STIM1: variants seen among roughly 807,000 people sequenced by gnomAD.
STIM1 encodes the protein stromal interaction molecule 1.
In STIM1, 25 loss-of-function variants were observed where a neutral mutation model predicts 74.7. That is an observed-to-expected ratio of 0.33 (90% CI 0.24 to 0.47). STIM1 has a LOEUF of 0.47. STIM1 is among the 20% of genes least tolerant of loss of function. The pLI is 1.00. For missense variants in STIM1, 728 were observed against 920.8 expected, an observed-to-expected ratio of 0.79 and a Z score of 2.71; for synonymous variants, 328 against 348.8, an observed-to-expected ratio of 0.94 and a Z score of 0.66.
intron 1 of STIM1, among the ~76,000 whole-genome samples, chr11:3,880,677 A>T (rs970790385): frequency 3.3e-5 from 5 of 152,132 alleles, no homozygotes; most frequent in African/African-American, 1.2e-4. Flanking sequence ...AAAGAAAAAT[A>T]AATCATATTC....
In STIM1 at chr11:3,947,000, T is replaced by TG. The variant is rs375929344; in HGVS notation, c.140-20545dup. On this transcript the variant is annotated intron_variant, in intron 1 of 12. Coordinates refer to ENST00000526596, the MANE Select transcript of STIM1 (RefSeq NM_001382567.1). ...GAGTTTGGACAAATCACTTCTCTTTTGGGGGGGTCTTAGTTTCCTCATCTG... is the reference window on the plus strand; with the variant it reads ...GAGTTTGGACAAATCACTTCTCTTTTGGGGGGGGTCTTAGTTTCCTCATCTG... Among the ~76,000 whole-genome samples the TG allele has an allele frequency of 1.3e-3, 196 of 152,260 alleles. 1 individual carries two copies. The highest frequency in any genetic ancestry group is 4.4e-3 in the African/African-American group (183 of 41,554).
At position 4,083,294 on chromosome 11, in the gene STIM1, C is replaced by T. The variant is rs200892145; in HGVS notation, c.1270C>T (p.Arg424Trp). The change falls in exon 10 of 13, where the codon CGG (arginine) becomes TGG (tryptophan). Residue 424 changes from arginine (R) to tryptophan (W), a missense_variant. By Grantham distance (101) the Arg-to-Trp change is moderately radical (BLOSUM62 -3). Coordinates refer to ENST00000526596, the MANE Select transcript of STIM1 (RefSeq NM_001382567.1). ...QALSEVTAALRERLHRWQQIE... is the reference protein window; with the variant it reads ...QALSEVTAALWERLHRWQQIE... ...ACTGAGCGAGGTGACAGCAGCATTGCGGGAGCGCCTGCACCGCTGGCAACA... is the reference window on the plus strand; with the variant it reads ...ACTGAGCGAGGTGACAGCAGCATTGTGGGAGCGCCTGCACCGCTGGCAACA... The T allele has an allele frequency of 5.0e-6, 8 of 1,614,088 alleles. No individual in the cohort carries two copies. The highest frequency in any genetic ancestry group is 2.2e-5 in the East Asian group (1 of 44,898).
intron 1 of STIM1, among the ~76,000 whole-genome samples, chr11:3,870,718 G>A (rs963161087): frequency 1.1e-4 from 17 of 151,886 alleles, no homozygotes; most frequent in African/African-American, 3.6e-4. Flanking sequence ...GGCTGGTCTG[G>A]AACTCCTGAG....
intron 11 of STIM1, 86 bp downstream of exon 11, chr11:4,084,851 C>A: frequency 9.3e-7 from 1 of 1,073,526 alleles, no homozygotes; most frequent in Non-Finnish European, 1.3e-6. Flanking sequence ...CTTCTCCTGC[C>A]TGCTTCACGC....
chr11:3,899,976 C>A (rs981493739), intron 1 of STIM1, among the ~76,000 whole-genome samples: 14 of 152,118 alleles, frequency 9.2e-5, no homozygotes, highest in Admixed American at 8.5e-4. Flanking sequence ...GTCTAAAATT[C>A]TCTTTTTTGG....
chr11:3,926,931 C>T (rs971263408), intron 1 of STIM1, among the ~76,000 whole-genome samples: 3 of 152,272 alleles, frequency 2.0e-5, no homozygotes, highest in Non-Finnish European at 4.4e-5. Flanking sequence ...ATTCTGGGCT[C>T]CTCCTATTAT....
At chr11:4,039,025 G>T (rs2094126417) in intron 3 of STIM1, among the ~76,000 whole-genome samples, 1 of 152,286 alleles carries the variant, frequency 6.6e-6, no homozygotes, top group African/African-American at 2.4e-5. Flanking sequence ...CTTTCCTATT[G>T]GTCGGATAAC....
At chr11:4,082,838 C>G in intron 8 of STIM1, 44 bp from the exon 9 acceptor site, 2 of 1,555,538 alleles carry the variant, frequency 1.3e-6, no homozygotes, top group Non-Finnish European at 1.8e-6. Flanking sequence ...TTATTCCATT[C>G]TCGAATCCCT....
intron 1 of STIM1, among the ~76,000 whole-genome samples, chr11:3,943,062 G>T (rs2093030064): frequency 6.6e-6 from 1 of 152,202 alleles, no homozygotes. Flanking sequence ...CAACTCTTCT[G>T]CTAGGAGCCT....
Position 3,956,996 on chromosome 11 carries a change from C to G in STIM1, c.140-10556C>G, listed in dbSNP as rs2093223528. The stretch of plus-strand genomic sequence containing the variant: ...TGCAGTGAGCAAAAAAGCGACTGCT[C>G]TCGTGGACCTTACTTTTAGTGGAGG... On this transcript the variant is annotated intron_variant, in intron 1 of 12. Coordinates refer to ENST00000526596, the MANE Select transcript of STIM1 (RefSeq NM_001382567.1). Among the ~76,000 whole-genome samples the G allele has an allele frequency of 2.0e-5, 3 of 152,198 alleles. No individual in the cohort carries two copies. The South Asian group carries it at 6.2e-4, about 32-fold the overall frequency.
chr11:4,027,266 C>T (rs2094005037), intron 3 of STIM1, among the ~76,000 whole-genome samples: 1 of 152,120 alleles, frequency 6.6e-6, no homozygotes, highest in East Asian at 1.9e-4. Context: ...AGGGCCACTC[C>T]AGGAAATCCA....
At chr11:3,962,379 G>A (rs2093295769) in intron 1 of STIM1, among the ~76,000 whole-genome samples, 1 of 151,844 alleles carries the variant, frequency 6.6e-6, no homozygotes. Context: ...TCAGATAGCG[G>A]CCTCCAGTTC....
chr11:3,884,330 T>C (rs1247455057), intron 1 of STIM1, among the ~76,000 whole-genome samples: 1 of 152,218 alleles, frequency 6.6e-6, no homozygotes, highest in African/African-American at 2.4e-5. Context: ...AAGTGCTTTG[T>C]TGTATGGTGA....
chr11:4,007,544 T>C (rs2093794539), intron 2 of STIM1, among the ~76,000 whole-genome samples: 1 of 152,160 alleles, frequency 6.6e-6, no homozygotes, highest in South Asian at 2.1e-4. Context: ...GTTGAGGGTA[T>C]ATGGTTTGGC....
chr11:3,887,105 T>A (rs552199606), intron 1 of STIM1, among the ~76,000 whole-genome samples: 70 of 151,728 alleles, frequency 4.6e-4, no homozygotes, highest in Non-Finnish European at 9.3e-4. Flanking sequence ...CAGGGACTAG[T>A]ATTGTACACA....
Position 3,895,827 on chromosome 11 carries a change from TTCTTTCTTTCTTTC to T in STIM1, c.139+39436_139+39449del, listed in dbSNP as rs1212666058. Among the ~76,000 whole-genome samples the T allele has an allele frequency of 4.9e-4, 58 of 119,118 alleles. 3 individuals are homozygous for T. Among genetic ancestry groups the T allele is most frequent in the African/African-American group, 2.2e-3 (54 of 24,824 alleles). The allele number at this position is 119,118 out of a possible 152,430, so 78.1% of individuals were successfully genotyped here. Reference sequence around the variant, plus strand: ...TCCTTTCTTTCCTTCCTTCTTTCTTTTCTTTCTTTCTTTCTCTTTCTTTCTTTCTCTCTCTCTCT... The same window carrying T: ...TCCTTTCTTTCCTTCCTTCTTTCTTTTCTTTCTTTCTTTCTCTCTCTCTCT... On this transcript the variant is annotated intron_variant, in intron 1 of 12. Coordinates refer to ENST00000526596, the MANE Select transcript of STIM1 (RefSeq NM_001382567.1).
intron 2 of STIM1, among the ~76,000 whole-genome samples, chr11:3,975,645 G>A (rs1033246101): frequency 6.6e-6 from 1 of 151,600 alleles, no homozygotes; most frequent in Non-Finnish European, 1.5e-5. Context: ...GAAGGAAGAA[G>A]GAAGAAGGAA....
intron 1 of STIM1, chr11:3,892,900 G>A (rs1199340659): frequency 8.5e-6 from 12 of 1,415,640 alleles, no homozygotes; most frequent in South Asian, 1.1e-5. Flanking sequence ...CTGATAGTAC[G>A]GGGCTCCCGG....
intron 1 of STIM1, chr11:3,892,782 A>G: frequency 4.3e-6 from 7 of 1,613,258 alleles, no homozygotes; most frequent in Non-Finnish European, 5.9e-6. Context: ...AGAGCACGAA[A>G]GTTTTCTGCT....
Sources: gnomAD v4.1 joint callset for allele counts (sites outside exome capture counted in the v4.1 genomes callset) on GRCh38, gnomAD v4.1.1 for gene constraint, MANE v1.5 for transcripts, NCBI Gene and HGNC (gene_info 2026-07-23, HGNC 2026-07-21) for gene names.